The following DNAJC15 variants were observed in gnomAD, a reference collection of about 807,000 sequenced individuals.
DNAJC15 encodes DnaJ heat shock protein family (Hsp40) member C15, also known as dnaJ homolog subfamily C member 15.
In DNAJC15, 27 loss-of-function variants were observed where a neutral mutation model predicts 22.4. The observed-to-expected ratio is 1.20, with a 90% confidence interval of 0.89 to 1.66. DNAJC15 has a LOEUF of 1.66. DNAJC15 is among the 40% of genes most tolerant of loss of function. DNAJC15 has a pLI of 0.00. For missense variants in DNAJC15, 208 were observed against 187.1 expected, an observed-to-expected ratio of 1.11 and a Z score of -0.65; for synonymous variants, 79 against 63.2, an observed-to-expected ratio of 1.25 and a Z score of -1.19.
At chr13:43,042,403 G>T (rs10492658) in intron 1 of DNAJC15, among the ~76,000 whole-genome samples, 8 of 152,126 alleles carry the variant, frequency 5.3e-5, no homozygotes, top group Non-Finnish European at 1.5e-5. Flanking sequence ...CTTCTTAGTA[G>T]CTGAGAAGCA....
At chr13:43,065,633 T>A in intron 1 of DNAJC15, 53 bp from the exon 2 acceptor site, 1 of 1,433,724 alleles carries the variant, frequency 7.0e-7, no homozygotes, top group Non-Finnish European at 9.8e-7. Context: ...AATGATTTAC[T>A]TTTAAAACCC....
chr13:43,079,108 C>T (rs2040649747), intron 4 of DNAJC15, among the ~76,000 whole-genome samples: 2 of 151,816 alleles, frequency 1.3e-5, no homozygotes, highest in Non-Finnish European at 2.9e-5. Context: ...CTTGTTTCAC[C>T]TTAGTATCCT....
chr13:43,058,390 TGGAAGGC>T (rs1354397977), intron 1 of DNAJC15, among the ~76,000 whole-genome samples: 1 of 152,072 alleles, frequency 6.6e-6, no homozygotes, highest in Non-Finnish European at 1.5e-5. Context: ...GTGTGGGTGG[TGGAAGGC>T]GGCAGTGTGT....
intron 4 of DNAJC15, among the ~76,000 whole-genome samples, chr13:43,083,786 C>A (rs2040674882): frequency 6.6e-6 from 1 of 152,058 alleles, no homozygotes; most frequent in African/African-American, 2.4e-5. Context: ...GTCTTTTAAC[C>A]AGACAATGTT....
At chr13:43,024,893 T>TAGAAAAAAAAAAAAAAAAAAAAAAA (rs2040372592) in intron 1 of DNAJC15, among the ~76,000 whole-genome samples, 1 of 85,946 alleles carries the variant, frequency 1.2e-5, no homozygotes, top group African/African-American at 4.6e-5. Flanking sequence ...CCATCTCTGC[T>TAGAAAAAAAAAAAAAAAAAAAAAAA]AAAAAAAAAA....
intron 1 of DNAJC15, among the ~76,000 whole-genome samples, chr13:43,056,574 T>C (rs2040532548): frequency 6.6e-6 from 1 of 152,252 alleles, no homozygotes; most frequent in South Asian, 2.1e-4. Flanking sequence ...CCACTGTTTC[T>C]TTGTTGACTT....
intron 5 of DNAJC15, among the ~76,000 whole-genome samples, chr13:43,092,504 G>A (rs965871258): frequency 1.1e-4 from 10 of 90,594 alleles, no homozygotes; most frequent in South Asian, 5.8e-4. Flanking sequence ...ACACACACAT[G>A]TGTGTGTGTA....
chr13:43,043,645 A>G (rs2040463919), intron 1 of DNAJC15, among the ~76,000 whole-genome samples: 1 of 152,180 alleles, frequency 6.6e-6, no homozygotes, highest in African/African-American at 2.4e-5. Context: ...GGGTAAGCCT[A>G]AGAGTTTTGT....
intron 3 of DNAJC15, among the ~76,000 whole-genome samples, chr13:43,072,866 C>T (rs964779762): frequency 2.6e-5 from 4 of 152,160 alleles, no homozygotes; most frequent in Non-Finnish European, 5.9e-5. Context: ...GCCCGGCCAA[C>T]GTTAGTAATT....
At chr13:43,085,306 A>G (rs1274686312) in intron 4 of DNAJC15, among the ~76,000 whole-genome samples, 1 of 133,952 alleles carries the variant, frequency 7.5e-6, no homozygotes, top group African/African-American at 2.8e-5. Flanking sequence ...GGTTGCAGTG[A>G]GCTGAGATCA....
In DNAJC15 at chr13:43,108,238, G is replaced by C. The variant is rs1471900122; in HGVS notation, c.*990G>C. 6.6e-6 allele frequency: 1 copy of C among 152,194 alleles called. No homozygotes were observed. Among genetic ancestry groups the C allele is most frequent in the African/African-American group, 2.4e-5 (1 of 41,444 alleles). The allele number at this position is 152,194 out of a possible 1,614,324, so 9.4% of individuals were successfully genotyped here. A position where few individuals can be genotyped will look rare whatever the true frequency, so the allele number is the denominator to read the frequency against. The stretch of plus-strand genomic sequence containing the variant: ...TATTCCGATACCATATGATTGGTGA[G>C]GTAAGTGTTATTCTGAGATGAGAAT... On this transcript the variant is annotated 3_prime_UTR_variant, in exon 6 of 6. Coordinates refer to ENST00000379221, the MANE Select transcript of DNAJC15 (RefSeq NM_013238.3).
chr13:43,100,179 T>G (rs1304075529), intron 5 of DNAJC15, among the ~76,000 whole-genome samples: 1 of 151,264 alleles, frequency 6.6e-6, no homozygotes, highest in Non-Finnish European at 1.5e-5. Context: ...TCCATTGTCT[T>G]AGGTTGAAGG....
At chr13:43,049,763 A>G (rs1243237273) in intron 1 of DNAJC15, among the ~76,000 whole-genome samples, 2 of 152,198 alleles carry the variant, frequency 1.3e-5, no homozygotes, top group Non-Finnish European at 2.9e-5. Flanking sequence ...AAGTTTGAGG[A>G]GAATTGTTAC....
chr13:43,101,218 G>A (rs1052349016), intron 5 of DNAJC15, among the ~76,000 whole-genome samples: 51 of 152,284 alleles, frequency 3.3e-4, no homozygotes, highest in Non-Finnish European at 7.4e-5. Context: ...AATAGAAACA[G>A]GGTCTTGCTA....
At chr13:43,088,930 CTT>C (rs909766317) in intron 5 of DNAJC15, among the ~76,000 whole-genome samples, 5 of 150,408 alleles carry the variant, frequency 3.3e-5, no homozygotes, top group Admixed American at 6.6e-5. Context: ...AGATTTAAGG[CTT>C]TGTGTTAACT....
At chr13:43,085,739 A>G in intron 4 of DNAJC15, 29 bp from the exon 5 acceptor site, 3 of 1,590,496 alleles carry the variant, frequency 1.9e-6, no homozygotes, top group East Asian at 2.2e-5. Flanking sequence ...GATGCTATTT[A>G]TTATAAGCAC....
chr13:43,036,584 A>T (rs555260139), intron 1 of DNAJC15, among the ~76,000 whole-genome samples: 58 of 152,328 alleles, frequency 3.8e-4, no homozygotes, highest in African/African-American at 1.3e-3. Flanking sequence ...CCTAGGCTTC[A>T]GGCCAGTCCT....
chr13:43,035,393 C>T (rs1276728253), intron 1 of DNAJC15, among the ~76,000 whole-genome samples: 1 of 152,192 alleles, frequency 6.6e-6, no homozygotes, highest in Admixed American at 6.5e-5. Context: ...ATTCATTCCT[C>T]TAAAGGACTG....
intron 4 of DNAJC15, among the ~76,000 whole-genome samples, chr13:43,085,357 CCTT>C (rs2040682432): frequency 8.2e-6 from 1 of 121,754 alleles, no homozygotes; most frequent in South Asian, 3.0e-4. Flanking sequence ...CAAGACTCCT[CCTT>C]CTTGGGGGGT....
Sources: allele counts gnomAD v4.1 joint callset (sites outside exome capture counted in the v4.1 genomes callset), GRCh38; gene constraint gnomAD v4.1.1; transcripts MANE v1.5; gene names NCBI Gene and HGNC (gene_info 2026-07-23, HGNC 2026-07-21).